Variants in AKAP6 observed in about 807,000 individuals in gnomAD.
AKAP6 encodes the protein A-kinase anchor protein 6.
In AKAP6, 58 loss-of-function variants were observed where a neutral mutation model predicts 188.5. That is an observed-to-expected ratio of 0.31 (90% CI 0.25 to 0.38). The LOEUF is 0.38. AKAP6 is among the 10% of genes least tolerant of loss of function. The pLI is 1.00. For synonymous variants in AKAP6, 989 were observed against 998.6 expected (o/e 0.99, Z 0.18); for missense variants, 2,710 against 2,740.0 (o/e 0.99, Z 0.24).
rs2030956939 is a variant in AKAP6, at chr14:32,727,977, C to T, written c.3001-4477C>T. Among the ~76,000 whole-genome samples, 12 of 152,292 alleles carry T rather than the reference C, an allele frequency of 7.9e-5. No individual in the cohort carries two copies. The South Asian group carries it at 2.5e-3, about 32-fold the overall frequency. On this transcript the variant is annotated intron_variant, in intron 9 of 13. Coordinates refer to ENST00000280979, the MANE Select transcript of AKAP6 (RefSeq NM_004274.5). Reference sequence around the variant, plus strand: ...CACACAAGTCTTCTGAAAAGCGGGGCAGCACAAGAGCTGCTGCACAGGCAA... The same window carrying T: ...CACACAAGTCTTCTGAAAAGCGGGGTAGCACAAGAGCTGCTGCACAGGCAA...
intron 9 of AKAP6, among the ~76,000 whole-genome samples, chr14:32,728,909 T>G: frequency 6.6e-6 from 1 of 152,186 alleles, no homozygotes; most frequent in East Asian, 1.9e-4. Context: ...GCCCTCAAGT[T>G]TTGCTTAGGT....
At chr14:32,624,762 A>G (rs1886947641) in intron 7 of AKAP6, among the ~76,000 whole-genome samples, 2 of 152,162 alleles carry the variant, frequency 1.3e-5, no homozygotes, top group Non-Finnish European at 2.9e-5. Context: ...AATCACATTA[A>G]TGGCTTTGTC....
chr14:32,546,362 C>T lies in AKAP6; in HGVS notation c.1709C>T (p.Ser570Leu). Reference protein sequence around the residue: ...RSWNAKLQLQSETSSSPAFTQ... With the variant: ...RSWNAKLQLQLETSSSPAFTQ... ...TGGAATGCCAAATTGCAATTGCAGT[C>T]AGAAACATCCAGTTCACCAGCTTTT... is the stretch of plus-strand genomic sequence containing the variant. The change falls in exon 4 of 14, where the codon TCA (serine) becomes TTA (leucine). Residue 570 changes from serine (S) to leucine (L), a missense_variant. Transcript: ENST00000280979. 1 of 1,614,162 alleles carries T rather than the reference C, an allele frequency of 6.2e-7. No homozygotes were observed. The highest frequency in any genetic ancestry group is 8.5e-7 in the Non-Finnish European group (1 of 1,180,018).
intron 2 of AKAP6, among the ~76,000 whole-genome samples, chr14:32,492,355 T>TATAGAG: frequency 2.8e-4 from 23 of 82,588 alleles, no homozygotes; most frequent in African/African-American, 6.9e-4. Context: ...TATATATATA[T>TATAGAG]AGAGAGAGAG....
intron 5 of AKAP6, among the ~76,000 whole-genome samples, chr14:32,587,514 G>A (rs1594765295): frequency 6.6e-6 from 1 of 152,178 alleles, no homozygotes; most frequent in East Asian, 1.9e-4. Flanking sequence ...CTTAAGATCA[G>A]GGTAGTTATA....
chr14:32,769,037 A>ATTTTTTTGTTTTTTTTTTTT (rs2032807562), intron 11 of AKAP6, among the ~76,000 whole-genome samples: 2 of 56,926 alleles, frequency 3.5e-5, no homozygotes, highest in East Asian at 7.9e-4. Context: ...TGCTCTTTTG[A>ATTTTTTTGTTTTTTTTTTTT]TTTTTTTTTT....
At chr14:32,746,069 G>A (rs1402521364) in intron 11 of AKAP6, among the ~76,000 whole-genome samples, 7 of 152,210 alleles carry the variant, frequency 4.6e-5, no homozygotes, top group Non-Finnish European at 8.8e-5. Flanking sequence ...AGGGAAGTGG[G>A]CTCCCCTCTG....
chr14:32,822,793 A>G lies in AKAP6; in HGVS notation c.4980A>G (p.Gln1660=), dbSNP rs2034564885. The change falls in exon 13 of 14, where the codon CAA becomes CAG. Residue 1660 remains glutamine (Q), a synonymous_variant. Transcript: ENST00000280979. The part of the protein sequence containing the change: ...IKRSVSDITL[Q]SSSQKMSFTG... The stretch of plus-strand genomic sequence containing the variant: ...GAAGTGTTTCTGATATCACTCTTCA[A>G]AGCAGTTCCCAAAAGATGTCCTTTA... The G allele has an allele frequency of 6.2e-7, 1 of 1,613,832 alleles. No homozygotes were observed. The highest frequency in any genetic ancestry group is 1.3e-5 in the African/African-American group (1 of 74,900).
intron 1 of AKAP6, among the ~76,000 whole-genome samples, chr14:32,345,596 A>C (rs933625354): frequency 6.6e-6 from 1 of 152,182 alleles, no homozygotes; most frequent in Non-Finnish European, 1.5e-5. Context: ...AGCGGTTCCT[A>C]GAGAGAAAGT....
intron 11 of AKAP6, among the ~76,000 whole-genome samples, chr14:32,755,716 C>G (rs1267447880): frequency 1.4e-4 from 22 of 152,038 alleles, no homozygotes; most frequent in Non-Finnish European, 2.9e-5. Context: ...TTTGTACAGA[C>G]AAGGTTTCAC....
chr14:32,465,925 C>A (rs1878393281), intron 2 of AKAP6, among the ~76,000 whole-genome samples: 1 of 152,158 alleles, frequency 6.6e-6, no homozygotes, highest in Non-Finnish European at 1.5e-5. Flanking sequence ...AGGATATGAA[C>A]AGACACTTCT....
In AKAP6 at chr14:32,645,518, G is replaced by A. The variant is rs533683582; in HGVS notation, c.2731-32793G>A. On this transcript the variant is annotated intron_variant, in intron 7 of 13. Coordinates refer to ENST00000280979, the MANE Select transcript of AKAP6 (RefSeq NM_004274.5). ...GCTGGACTTGAACTCCTGGGCTCAC[G>A]TGATCCTCCTTCCTCAGCCTGCTGA... 5.9e-5 allele frequency among the ~76,000 whole-genome samples: 9 copies of A among 152,298 alleles called. No individual in the cohort carries two copies. The East Asian group carries it at 1.4e-3, about 23-fold the overall frequency.
intron 1 of AKAP6, among the ~76,000 whole-genome samples, chr14:32,425,713 G>A (rs1890008685): frequency 6.6e-6 from 1 of 152,126 alleles, no homozygotes; most frequent in African/African-American, 2.4e-5. Context: ...TCTCTTGTAA[G>A]TTTGTTTAAG....
At position 32,822,973 on chromosome 14, in the gene AKAP6, G is replaced by A. The variant is rs2034571812; in HGVS notation, c.5160G>A (p.Lys1720=). 3 of 1,613,762 alleles carry A rather than the reference G, an allele frequency of 1.9e-6. No homozygotes were observed. Among genetic ancestry groups the A allele is most frequent in the Non-Finnish European group, 2.5e-6 (3 of 1,179,904 alleles). ...CGGAATCGAATGCATCGTTCAGGAA[G>A]CGTCTGACTCGTTCAGTGGCTGATG... is the stretch of plus-strand genomic sequence containing the variant. The part of the protein sequence containing the change: ...KIPESNASFR[K]RLTRSVADES... The change falls in exon 13 of 14, where the codon AAG becomes AAA. Residue 1720 remains lysine, a synonymous_variant. Coordinates refer to ENST00000280979, the MANE Select transcript of AKAP6 (RefSeq NM_004274.5).
chr14:32,519,327 G>C (rs542517616), intron 2 of AKAP6, among the ~76,000 whole-genome samples: 20 of 152,222 alleles, frequency 1.3e-4, no homozygotes, highest in Admixed American at 8.5e-4. Context: ...ATGACAGGAT[G>C]AAATTCACAC....
At chr14:32,686,387 AG>A (rs1373807229) in intron 8 of AKAP6, among the ~76,000 whole-genome samples, 18 of 152,264 alleles carry the variant, frequency 1.2e-4, no homozygotes, top group Non-Finnish European at 2.1e-4. Flanking sequence ...ATAGCACAAC[AG>A]GGGGGCTATA....
chr14:32,406,746 C>T (rs573008103), intron 1 of AKAP6, among the ~76,000 whole-genome samples: 275 of 152,116 alleles, frequency 1.8e-3, no homozygotes, highest in African/African-American at 6.3e-3. Context: ...ATCTAGGGGC[C>T]GCAGGAAGGC....
intron 2 of AKAP6, among the ~76,000 whole-genome samples, chr14:32,488,351 G>A (rs1951201): frequency 0.66 from 100,364 of 151,990 alleles, 34,732 homozygotes; most frequent in East Asian, 0.86. Context: ...GCCTACTCAA[G>A]CCTCAGTAAT....
intron 2 of AKAP6, among the ~76,000 whole-genome samples, chr14:32,490,932 A>G (rs1005015660): frequency 6.6e-6 from 1 of 152,202 alleles, no homozygotes; most frequent in African/African-American, 2.4e-5. Flanking sequence ...TCAAAGTGCA[A>G]ATAGTATTAT....
Sources: allele counts gnomAD v4.1 joint callset (sites outside exome capture counted in the v4.1 genomes callset), GRCh38; gene constraint gnomAD v4.1.1; transcripts MANE v1.5; gene names NCBI Gene and HGNC (gene_info 2026-07-23, HGNC 2026-07-21).